CFAP161: variants seen among roughly 807,000 people sequenced by gnomAD.
The protein encoded by CFAP161 is cilia- and flagella-associated protein 161.
A neutral mutation model predicts 29.0 loss-of-function variants in CFAP161; 25 were observed. The ratio of observed to expected loss-of-function variants is 0.86; its 90% CI spans 0.63 to 1.20. The LOEUF (loss-of-function observed/expected upper bound fraction) is 1.20. Ranked by LOEUF, CFAP161 falls within the 50% of genes most tolerant of loss-of-function variation. The pLI is 0.00. For missense variants in CFAP161, 367 were observed against 371.9 expected (o/e 0.99, Z 0.11); for synonymous variants, 116 against 137.4 (o/e 0.84, Z 1.09).
chr15:81,138,463 C>T (rs900962393), intron 4 of CFAP161, among the ~76,000 whole-genome samples: 1 of 152,234 alleles, frequency 6.6e-6, no homozygotes. Context: ...CCATCTGATA[C>T]CTGTCAAATG....
chr15:81,101,524 C>G (rs1377726719), intron 1 of CFAP161, among the ~76,000 whole-genome samples: 2 of 14,886 alleles, frequency 1.3e-4, no homozygotes, highest in African/African-American at 2.9e-4. Context: ...AAGACTCTGT[C>G]TCAAAAAAAA....
chr15:81,136,740 C>A lies in CFAP161; in HGVS notation c.384C>A (p.Ile128=), dbSNP rs761151429. The A allele has an allele frequency of 1.5e-5, 24 of 1,611,906 alleles. No individual in the cohort carries two copies. In the East Asian group the frequency reaches 4.9e-4, roughly 33 times the overall value. Residue 128 remains isoleucine (I), a synonymous_variant, in exon 3 of 7, where the codon ATC becomes ATA. Transcript: ENST00000286732. ...AKTPIGRNTF[I]ILSVHRDATG... ...CCCCAATTGGCAGAAACACTTTTAT[C>A]ATTTTGAGGTAAAGAGACTTTAATT... is the stretch of plus-strand genomic sequence containing the variant.
chr15:81,124,102 T>A (rs1894610063), intron 1 of CFAP161, among the ~76,000 whole-genome samples: 1 of 152,308 alleles, frequency 6.6e-6, no homozygotes, highest in Non-Finnish European at 1.5e-5. Flanking sequence ...AGAGAGGATA[T>A]CCTTGTCTTG....
chr15:81,125,959 T>C (rs979078526), intron 1 of CFAP161, among the ~76,000 whole-genome samples: 3 of 152,200 alleles, frequency 2.0e-5, no homozygotes, highest in Non-Finnish European at 4.4e-5. Context: ...AACCTCCGTC[T>C]CCCGGGTTCA....
chr15:81,106,542 C>T lies in CFAP161; in HGVS notation c.-141-21048C>T, dbSNP rs193191951. On this transcript the variant is annotated intron_variant, in intron 1 of 4. Coordinates refer to the CFAP161 transcript ENST00000560091. The stretch of plus-strand genomic sequence containing the variant: ...GTTCCAGAAGCAAAGGTTTACAACT[C>T]CCTTTGGAATCAGAGACCCACTTGT... Among the ~76,000 whole-genome samples the T allele has an allele frequency of 1.5e-3, 233 of 152,316 alleles. 1 individual carries two copies. Among genetic ancestry groups the T allele is most frequent in the African/African-American group, 5.1e-3 (211 of 41,578 alleles).
At chr15:81,117,707 C>T in intron 1 of CFAP161, 4 of 304,462 alleles carry the variant, frequency 1.3e-5, no homozygotes, top group African/African-American at 2.3e-5. Flanking sequence ...CCTCTTCATC[C>T]TCATCTTCAT....
At chr15:81,126,543 C>T (rs1424237111) in intron 1 of CFAP161, among the ~76,000 whole-genome samples, 1 of 152,130 alleles carries the variant, frequency 6.6e-6, no homozygotes, top group Non-Finnish European at 1.5e-5. Context: ...CTCTTTTTCT[C>T]AGCTTTTTCC....
chr15:81,100,691 CCTCT>C (rs71451564), intron 1 of CFAP161, among the ~76,000 whole-genome samples: 3 of 118,460 alleles, frequency 2.5e-5, no homozygotes, highest in Admixed American at 8.0e-5. Flanking sequence ...ATTTCCTTTT[CCTCT>C]CTCTCTCTCT....
Position 81,147,562 on chromosome 15 carries a change from G to A in CFAP161, c.637-296G>A, listed in dbSNP as rs892543391. 1.3e-4 allele frequency among the ~76,000 whole-genome samples: 20 copies of A among 152,090 alleles called. 1 individual carries two copies. The highest frequency in any genetic ancestry group is 9.2e-4 in the Admixed American group (14 of 15,270). On this transcript the variant is annotated intron_variant, in intron 5 of 6. Transcript: ENST00000286732. ...CTCGTGTTCCTAGGTGTACAAACCT[G>A]TAAGGATGTTACTATACTGAATACT... is the stretch of plus-strand genomic sequence containing the variant.
Position 81,135,284 on chromosome 15 carries a change from CTTCTTAGAGAAG to C in CFAP161, c.85_96del (p.Phe29_Lys32del). On this transcript the variant is annotated inframe_deletion, in exon 2 of 7. Coordinates refer to ENST00000286732, the MANE Select transcript of CFAP161 (RefSeq NM_173528.4). ...TTTCTGTTTAGGAGCTCATGAAAGA[CTTCTTAGAGAAG>C]AGAGACAAGGGGAAACTTCTCATAC... 1 of 1,598,004 alleles carries C rather than the reference CTTCTTAGAGAAG, an allele frequency of 6.3e-7. No homozygotes were observed. Among genetic ancestry groups the C allele is most frequent in the South Asian group, 1.1e-5 (1 of 87,724 alleles).
chr15:81,136,585 G>C lies in CFAP161; in HGVS notation c.229G>C (p.Asp77His). ...GDKVMLVNPD[D>H]PDTEADVFLR... ...CAAAGTGATGCTTGTGAATCCTGATGATCCTGACACAGAAGCTGATGTGTT... is the reference window on the plus strand; with the variant it reads ...CAAAGTGATGCTTGTGAATCCTGATCATCCTGACACAGAAGCTGATGTGTT... The change falls in exon 3 of 7, where the codon GAT (aspartate) becomes CAT (histidine). Residue 77 changes from aspartate (D) to histidine (H), a missense_variant. By Grantham distance (81) the Asp-to-His change is moderately conservative. Coordinates refer to ENST00000286732, the MANE Select transcript of CFAP161 (RefSeq NM_173528.4). The C allele has an allele frequency of 6.2e-7, 1 of 1,614,188 alleles. No homozygotes were observed. Among genetic ancestry groups the C allele is most frequent in the Non-Finnish European group, 8.5e-7 (1 of 1,180,036 alleles).
At chr15:81,099,909 GT>G (rs1390486840) in intron 1 of CFAP161, among the ~76,000 whole-genome samples, 13 of 151,730 alleles carry the variant, frequency 8.6e-5, no homozygotes, top group African/African-American at 1.4e-4. Context: ...ATTTCCAAAG[GT>G]TTTTTTTCCC....
chr15:81,146,611 T>TATATATACAGTCATGTGTCAC (rs1279927890), intron 5 of CFAP161, among the ~76,000 whole-genome samples: 1 of 151,676 alleles, frequency 6.6e-6, no homozygotes, highest in Non-Finnish European at 1.5e-5. Context: ...TGTGTATAAA[T>TATATATACAGTCATGTGTCAC]ATATATACAG....
chr15:81,124,361 C>G (rs1894613745), intron 1 of CFAP161, among the ~76,000 whole-genome samples: 1 of 152,162 alleles, frequency 6.6e-6, no homozygotes, highest in Non-Finnish European at 1.5e-5. Context: ...GGGGATGAAG[C>G]CTATTTGATC....
chr15:81,145,674 C>T (rs1894994541), intron 5 of CFAP161, among the ~76,000 whole-genome samples: 1 of 152,136 alleles, frequency 6.6e-6, no homozygotes, highest in Admixed American at 6.5e-5. Context: ...TGGGAAACCC[C>T]AAACCTGTCT....
chr15:81,116,957 C>A (rs927656328), intron 1 of CFAP161, among the ~76,000 whole-genome samples: 2 of 152,064 alleles, frequency 1.3e-5, no homozygotes, highest in Non-Finnish European at 1.5e-5. Context: ...GAAAACTAAC[C>A]TTTTCTCTCT....
At chr15:81,113,511 GA>G (rs1260532395) in intron 1 of CFAP161, among the ~76,000 whole-genome samples, 7 of 152,144 alleles carry the variant, frequency 4.6e-5, no homozygotes, top group Non-Finnish European at 7.4e-5. Context: ...GTAAAATCAG[GA>G]GTTCCCATGG....
At chr15:81,119,943 T>C (rs1185134695) in intron 1 of CFAP161, among the ~76,000 whole-genome samples, 1 of 152,036 alleles carries the variant, frequency 6.6e-6, no homozygotes, top group African/African-American at 2.4e-5. Flanking sequence ...CCAGTCACTA[T>C]AAAATAAGTT....
Position 81,135,277 on chromosome 15 carries a change from T to G in CFAP161, c.77T>G (p.Met26Arg). 6.3e-7 allele frequency: 1 copy of G among 1,592,316 alleles called. No homozygotes were observed. Among genetic ancestry groups the G allele is most frequent in the Non-Finnish European group, 8.5e-7 (1 of 1,172,694 alleles). The change falls in exon 2 of 7, where the codon ATG (methionine) becomes AGG (arginine). Residue 26 changes from methionine (M) to arginine (R), a missense_variant. Physicochemically the swap from Met to Arg is moderately conservative, Grantham distance 91. Transcript: ENST00000286732. Reference sequence around the variant, plus strand: ...TGTTGATTTTCTGTTTAGGAGCTCATGAAAGACTTCTTAGAGAAGAGAGAC... The same window carrying G: ...TGTTGATTTTCTGTTTAGGAGCTCAGGAAAGACTTCTTAGAGAAGAGAGAC... ...NEDVYLEEEL[M>R]KDFLEKRDKG...
Sources: gnomAD v4.1 joint callset for allele counts (sites outside exome capture counted in the v4.1 genomes callset) on GRCh38, gnomAD v4.1.1 for gene constraint, MANE v1.5 for transcripts, NCBI Gene and HGNC (gene_info 2026-07-23, HGNC 2026-07-21) for gene names.